ZFP36L1: variants seen among roughly 807,000 people sequenced by gnomAD.
ZFP36L1 encodes the protein mRNA decay activator protein ZFP36L1.
In ZFP36L1, 4 loss-of-function variants were observed where a neutral mutation model predicts 16.7. The ratio of observed to expected loss-of-function variants is 0.24; its 90% CI spans 0.12 to 0.55. The LOEUF (loss-of-function observed/expected upper bound fraction) is 0.55. ZFP36L1 is among the 20% of genes least tolerant of loss of function. The probability of loss-of-function intolerance (pLI) is 0.94; values close to 1 mark genes in which losing one functional copy is unlikely to be tolerated. For missense variants in ZFP36L1, 311 were observed against 449.2 expected, an observed-to-expected ratio of 0.69 and a Z score of 2.78; for synonymous variants, 220 against 190.8, an observed-to-expected ratio of 1.15 and a Z score of -1.26.
rs1244634431 is a variant in ZFP36L1 at position 68,790,344 on chromosome 14, C to A, written c.206G>T (p.Ser69Ile). 6.2e-7 allele frequency: 1 copy of A among 1,612,280 alleles called. No homozygotes were observed. Among genetic ancestry groups the A allele is most frequent in the Non-Finnish European group, 8.5e-7 (1 of 1,179,358 alleles). Residue 69 changes from serine to isoleucine, a missense_variant, in exon 2 of 2, where the codon AGC becomes ATC. Physicochemically the swap from Ser to Ile is moderately radical, Grantham distance 142 (BLOSUM62 -2). Coordinates refer to ENST00000439696, the MANE Select transcript of ZFP36L1 (RefSeq NM_004926.4). ...SSKFHQNQLLSSLKGEPAPAL... is the reference protein window; with the variant it reads ...SSKFHQNQLLISLKGEPAPAL... ...GGGGGCTGGCTCACCCTTGAGGCTGCTGAGGAGCTGGTTCTGGTGGAACTT... is the reference window on the plus strand; with the variant it reads ...GGGGGCTGGCTCACCCTTGAGGCTGATGAGGAGCTGGTTCTGGTGGAACTT...
At chr14:68,796,044 C>G, upstream of ZFP36L1, 1 of 1,335,018 alleles carries the variant, frequency 7.5e-7, no homozygotes, top group Admixed American at 2.1e-5. Context: ...GCTCCTTACC[C>G]GCGCAGTCCC....
At chr14:68,792,485 T>C (rs772882831) in intron 1 of ZFP36L1, among the ~76,000 whole-genome samples, 2 of 152,072 alleles carry the variant, frequency 1.3e-5, no homozygotes, top group Non-Finnish European at 2.9e-5. Context: ...CACGGGTGGG[T>C]AATGCCGCTG....
At chr14:68,794,591 G>T (rs967390209), upstream of ZFP36L1, 1 of 152,324 alleles carries the variant, frequency 6.6e-6, no homozygotes, top group Non-Finnish European at 1.5e-5. Flanking sequence ...ACTCGAGGCC[G>T]CCGAGTCTGT....
upstream of ZFP36L1, chr14:68,793,390 C>T (rs1005508514): frequency 1.0e-6 from 1 of 1,003,240 alleles, no homozygotes; most frequent in Non-Finnish European, 1.2e-6. Flanking sequence ...CAGGCGCCCC[C>T]TCTCCGGGGC....
chr14:68,790,933 G>A (rs1243375630), intron 1 of ZFP36L1: 6 of 618,208 alleles, frequency 9.7e-6, no homozygotes, highest in Non-Finnish European at 1.7e-5. Flanking sequence ...GGCTACGTTA[G>A]GTCCCCTTCC....
At chr14:68,795,716 C>T (rs76356898), upstream of ZFP36L1, 22,994 of 505,232 alleles carry the variant, frequency 0.046, 770 homozygotes, top group Non-Finnish European at 0.069. Flanking sequence ...TTACCGGCCC[C>T]GCCGACCAAG....
rs1594718615 is a variant in ZFP36L1 at position 68,792,925 on chromosome 14, A to G, written c.14T>C (p.Leu5Pro). The change falls in exon 1 of 2, where the codon CTC becomes CCC. Residue 5 changes from leucine to proline, a missense_variant. By Grantham distance (98) the Leu-to-Pro change is moderately conservative. Transcript: ENST00000439696. MTTTLVSATIFDLSE... is the reference protein window; with the variant it reads MTTTPVSATIFDLSE... The stretch of plus-strand genomic sequence containing the variant: ...CAAGTCGAAGATGGTGGCAGACACG[A>G]GGGTGGTGGTCATCCTGTGCGTTCG... 6.2e-7 allele frequency: 1 copy of G among 1,613,880 alleles called. No individual in the cohort carries two copies. The highest frequency in any genetic ancestry group is 8.5e-7 in the Non-Finnish European group (1 of 1,179,910).
rs950116961 is a variant in ZFP36L1, at chr14:68,788,112, A to AT, written c.*1420dup. ...AATAAATAATCCAACAGTTTTTTGC[A>AT]TTTTTTTAAATTAATTTTTCATTTT... On this transcript the variant is annotated 3_prime_UTR_variant, in exon 2 of 2. Transcript: ENST00000439696. 5.3e-5 allele frequency: 8 copies of AT among 152,138 alleles called. No individual in the cohort carries two copies. Among genetic ancestry groups the AT allele is most frequent in the Admixed American group, 5.2e-4 (8 of 15,272 alleles). 9.4% of individuals were successfully genotyped at this position (152,138 alleles called of 1,614,324 possible). A position where few individuals can be genotyped will look rare whatever the true frequency, so the allele number is the denominator to read the frequency against.
intron 1 of ZFP36L1, among the ~76,000 whole-genome samples, chr14:68,792,680 C>T (rs568010441): frequency 3.9e-5 from 6 of 152,230 alleles, no homozygotes; most frequent in Admixed American, 1.3e-4. Context: ...CACATGTAAT[C>T]CCCGCCAGCA....
Position 68,792,949 on chromosome 14 carries a change from C to T in ZFP36L1, c.-11G>A. On this transcript the variant is annotated 5_prime_UTR_variant, in exon 1 of 2. Coordinates refer to ENST00000439696, the MANE Select transcript of ZFP36L1 (RefSeq NM_004926.4). The stretch of plus-strand genomic sequence containing the variant: ...GAGGGTGGTGGTCATCCTGTGCGTT[C>T]GCGCGAGCCAGGGGCGAGGATCTGG... The T allele has an allele frequency of 6.2e-7, 1 of 1,613,764 alleles. No homozygotes were observed. The highest frequency in any genetic ancestry group is 1.1e-5 in the South Asian group (1 of 91,054).
chr14:68,794,414 G>C (rs990740337), upstream of ZFP36L1: 2 of 152,232 alleles, frequency 1.3e-5, no homozygotes, highest in Non-Finnish European at 2.9e-5. Context: ...TGTTAGGTTT[G>C]GATGCCGCCC....
At position 68,790,439 on chromosome 14, in the gene ZFP36L1, G is replaced by A. The variant is rs1895039070; in HGVS notation, c.111C>T (p.Asp37=). The A allele has an allele frequency of 6.2e-7, 1 of 1,614,112 alleles. No individual in the cohort carries two copies. Among genetic ancestry groups the A allele is most frequent in the Non-Finnish European group, 8.5e-7 (1 of 1,180,000 alleles). ...CAGCAGGGGTGCCCACTGCCTTTCT[G>A]TCCAGCAGGCAACCCCCTGCACTGG... ...SAPSAGGCLL[D]RKAVGTPAGG... The change falls in exon 2 of 2, where the codon GAC becomes GAT. Residue 37 remains aspartate, a synonymous_variant. Transcript: ENST00000439696.
Position 68,792,992 on chromosome 14 carries a change from G to T in ZFP36L1, c.-54C>A. 2 of 1,611,428 alleles carry T rather than the reference G, an allele frequency of 1.2e-6. No individual in the cohort carries two copies. The highest frequency in any genetic ancestry group is 8.5e-7 in the Non-Finnish European group (1 of 1,179,596). The stretch of plus-strand genomic sequence containing the variant: ...GGATCTGGTGTGTCGCGAAGGTCCC[G>T]GTGCGGGGAAGGCGCAGCCTCTCCT... On this transcript the variant is annotated 5_prime_UTR_variant, in exon 1 of 2. Transcript: ENST00000439696.
chr14:68,795,965 G>A, upstream of ZFP36L1: 6 of 1,317,468 alleles, frequency 4.6e-6, no homozygotes, highest in Non-Finnish European at 6.1e-6. Flanking sequence ...CGGCCCTACG[G>A]TGCAGGAAGG....
At chr14:68,792,745 A>C (rs2140212559) in intron 1 of ZFP36L1, 137 bp downstream of exon 1, 1 of 1,274,272 alleles carries the variant, frequency 7.8e-7, no homozygotes, top group African/African-American at 1.5e-5. Context: ...CAAACTTGGG[A>C]GAAATGCCGG....
Position 68,787,821 on chromosome 14 carries a change from T to C in ZFP36L1, c.*1712A>G, listed in dbSNP as rs1413297071. The C allele has an allele frequency of 2.0e-5, 3 of 152,784 alleles. No homozygotes were observed. Among genetic ancestry groups the C allele is most frequent in the African/African-American group, 7.2e-5 (3 of 41,464 alleles). 9.5% of individuals were successfully genotyped at this position (152,784 alleles called of 1,614,324 possible). A position where few individuals can be genotyped will look rare whatever the true frequency, so the allele number is the denominator to read the frequency against. On this transcript the variant is annotated 3_prime_UTR_variant, in exon 2 of 2. Coordinates refer to ENST00000439696, the MANE Select transcript of ZFP36L1 (RefSeq NM_004926.4). Reference sequence around the variant, plus strand: ...AATTACATTCATCTTAATGTGTGTGTGCCAGTTCTGTTTACATTAACATTG... The same window carrying C: ...AATTACATTCATCTTAATGTGTGTGCGCCAGTTCTGTTTACATTAACATTG...
Position 68,789,508 on chromosome 14 carries a change from G to T in ZFP36L1, c.*25C>A, listed in dbSNP as rs141102986. ...GGGTGCAGGGTAGGGGCTGGAGTAG[G>T]CAGGAGGTCCCTCCCTACCCTGGCT... On this transcript the variant is annotated 3_prime_UTR_variant, in exon 2 of 2. Transcript: ENST00000439696. This position sits in a 1 kb window ranked among gnomAD's most constrained non-coding sequence, Gnocchi z 4.5. 2,562 of 1,612,332 alleles carry T rather than the reference G, an allele frequency of 1.6e-3. 5 individuals are homozygous for T. The highest frequency in any genetic ancestry group is 1.7e-3 in the Non-Finnish European group (1,994 of 1,179,906).
At chr14:68,793,396 G>C (rs1388267061), upstream of ZFP36L1, 23 of 1,002,450 alleles carry the variant, frequency 2.3e-5, no homozygotes, top group Non-Finnish European at 2.7e-5. Flanking sequence ...CCCCCTCTCC[G>C]GGGCCGCGCG....
chr14:68,792,090 C>T (rs2140211220), intron 1 of ZFP36L1, among the ~76,000 whole-genome samples: 1 of 152,256 alleles, frequency 6.6e-6, no homozygotes, highest in African/African-American at 2.4e-5. Context: ...CTTGCTTTTT[C>T]AACACTGGCT....
Sources: gnomAD v4.1 joint callset for allele counts (sites outside exome capture counted in the v4.1 genomes callset) on GRCh38, gnomAD v4.1.1 for gene constraint, Gnocchi (gnomAD v3.1) non-coding constraint, MANE v1.5 for transcripts, NCBI Gene and HGNC (gene_info 2026-07-23, HGNC 2026-07-21) for gene names.